Variants in CORO2A observed in about 807,000 individuals in gnomAD.
CORO2A encodes coronin-2A.
Under a neutral mutation model 62.4 loss-of-function variants are expected in CORO2A, and 47 were observed. The ratio of observed to expected loss-of-function variants is 0.75; its 90% CI spans 0.60 to 0.96. The LOEUF (loss-of-function observed/expected upper bound fraction) is 0.96, where lower values mean the gene tolerates loss of function less well. Ranked by LOEUF, CORO2A falls within the 40% of genes least tolerant of loss-of-function variation. The pLI is 0.00. For synonymous variants in CORO2A, 273 were observed against 268.9 expected, an observed-to-expected ratio of 1.02 and a Z score of -0.15; for missense variants, 610 against 684.1, an observed-to-expected ratio of 0.89 and a Z score of 1.21.
At chr9:98,136,321 A>G (rs1287603886) in intron 3 of CORO2A, among the ~76,000 whole-genome samples, 6 of 152,246 alleles carry the variant, frequency 3.9e-5, no homozygotes. Context: ...ACCTCGGCAG[A>G]CACTGTCCTT....
intron 1 of CORO2A, among the ~76,000 whole-genome samples, chr9:98,163,597 G>T (rs1344066460): frequency 1.3e-5 from 2 of 152,292 alleles, no homozygotes; most frequent in African/African-American, 4.8e-5. Context: ...CAAGGGAAGT[G>T]ACTAGACTGA....
intron 2 of CORO2A, among the ~76,000 whole-genome samples, chr9:98,155,480 G>C (rs1221807349): frequency 6.6e-6 from 1 of 151,366 alleles, no homozygotes; most frequent in African/African-American, 2.4e-5. Context: ...CCGAGTAGCT[G>C]GGATTACAGG....
chr9:98,144,766 AG>A, intron 2 of CORO2A, among the ~76,000 whole-genome samples: 1 of 152,066 alleles, frequency 6.6e-6, no homozygotes, highest in South Asian at 2.1e-4. Context: ...AAGTGGGAGG[AG>A]GCTGAAGCAG....
Position 98,134,941 on chromosome 9 carries a change from G to A in CORO2A, c.333C>T (p.Ser111=). ...TCCTGGTCAGCAGCTGCTTGGGGATGCTCCAGATCTTAATCTGGCAGGGGA... is the reference window on the plus strand; with the variant it reads ...TCCTGGTCAGCAGCTGCTTGGGGATACTCCAGATCTTAATCTGGCAGGGGA... ...CSEDATIKIW[S]IPKQLLTRNL... Residue 111 remains serine, a synonymous_variant, in exon 4 of 12, where the codon AGC becomes AGT. Coordinates refer to ENST00000375077, the MANE Select transcript of CORO2A (RefSeq NM_052820.4). 1 of 1,614,084 alleles carries A rather than the reference G, an allele frequency of 6.2e-7. No individual in the cohort carries two copies. The highest frequency in any genetic ancestry group is 1.1e-5 in the South Asian group (1 of 91,074).
intron 1 of CORO2A, among the ~76,000 whole-genome samples, chr9:98,164,554 A>T (rs1827933299): frequency 6.6e-6 from 1 of 152,176 alleles, no homozygotes; most frequent in South Asian, 2.1e-4. Context: ...ACCAGGCAGG[A>T]AGAAAAAAAT....
intron 4 of CORO2A, among the ~76,000 whole-genome samples, chr9:98,133,891 C>T (rs1827446656): frequency 6.6e-6 from 1 of 151,694 alleles, no homozygotes; most frequent in South Asian, 2.1e-4. Flanking sequence ...GTAGCTGGGA[C>T]TACTTGACGC....
chr9:98,139,354 A>G lies in CORO2A; in HGVS notation c.202-1666T>C, dbSNP rs369203187. On this transcript the variant is annotated intron_variant, in intron 2 of 11. Transcript: ENST00000375077. The stretch of plus-strand genomic sequence containing the variant: ...AAAAAATCAAAAAATTAGGCCTGGC[A>G]TGGTGGCTCACGGCTGTAATCCCAG... Among the ~76,000 whole-genome samples, 13 of 152,020 alleles carry G rather than the reference A, an allele frequency of 8.6e-5. No individual in the cohort carries two copies. The East Asian group carries it at 1.2e-3, about 14-fold the overall frequency.
At chr9:98,130,811 A>G in intron 7 of CORO2A, 144 bp downstream of exon 7, 1 of 640,134 alleles carries the variant, frequency 1.6e-6, no homozygotes. Context: ...GGGAGCCAGG[A>G]GGGTGGGAGG....
intron 1 of CORO2A, among the ~76,000 whole-genome samples, chr9:98,168,983 C>A (rs886434497): frequency 6.6e-6 from 1 of 152,212 alleles, no homozygotes; most frequent in Non-Finnish European, 1.5e-5. Flanking sequence ...GAAGGCCCCA[C>A]CCTGCCCTAG....
At chr9:98,152,414 T>A (rs980270932) in intron 2 of CORO2A, among the ~76,000 whole-genome samples, 4 of 151,890 alleles carry the variant, frequency 2.6e-5, no homozygotes, top group African/African-American at 9.7e-5. Context: ...CTCAGCCTTC[T>A]GAGTAGCTGG....
chr9:98,143,416 G>A (rs1483473028), intron 2 of CORO2A, among the ~76,000 whole-genome samples: 1 of 152,204 alleles, frequency 6.6e-6, no homozygotes, highest in Non-Finnish European at 1.5e-5. Flanking sequence ...TGGAGACTGG[G>A]AGGCAGGGGT....
At chr9:98,154,345 A>G (rs1218513264) in intron 2 of CORO2A, among the ~76,000 whole-genome samples, 1 of 124,300 alleles carries the variant, frequency 8.0e-6, no homozygotes, top group African/African-American at 3.2e-5. Flanking sequence ...ATATATATAT[A>G]TATATATACA....
chr9:98,186,771 A>C (rs1828243839), intron 1 of CORO2A, among the ~76,000 whole-genome samples: 1 of 152,130 alleles, frequency 6.6e-6, no homozygotes, highest in African/African-American at 2.4e-5. Context: ...GGTGGTAAGA[A>C]GTGCTAATAA....
In CORO2A at chr9:98,144,667, A is replaced by C. The variant is rs1304172988; in HGVS notation, c.202-6979T>G. The stretch of plus-strand genomic sequence containing the variant: ...GGCTCCCTGGAGGAGGAGGACTTTA[A>C]ATTGGGCCTTAAAGAGAGGGAGACT... On this transcript the variant is annotated intron_variant, in intron 2 of 11. Transcript: ENST00000375077. Among the ~76,000 whole-genome samples the C allele has an allele frequency of 3.3e-5, 5 of 152,152 alleles. No homozygotes were observed. In the East Asian group the frequency reaches 9.6e-4, roughly 29 times the overall value.
chr9:98,125,640 T>C (rs1827305000), intron 11 of CORO2A, among the ~76,000 whole-genome samples: 1 of 151,852 alleles, frequency 6.6e-6, no homozygotes, highest in South Asian at 2.1e-4. Flanking sequence ...AGTCCTATAA[T>C]GTCAGAACTG....
At chr9:98,171,012 C>T (rs1372226568) in intron 1 of CORO2A, among the ~76,000 whole-genome samples, 1 of 152,164 alleles carries the variant, frequency 6.6e-6, no homozygotes, top group Non-Finnish European at 1.5e-5. Flanking sequence ...TGTTTAATCC[C>T]CCAAATCAAG....
At chr9:98,153,729 C>G (rs992830141) in intron 2 of CORO2A, among the ~76,000 whole-genome samples, 6 of 150,372 alleles carry the variant, frequency 4.0e-5, no homozygotes, top group African/African-American at 1.5e-4. Context: ...ATGTTAAAAC[C>G]GGTAAACCAG....
intron 2 of CORO2A, 143 bp from the exon 3 acceptor site, chr9:98,137,831 C>T (rs1230907607): frequency 1.1e-5 from 7 of 637,726 alleles, no homozygotes; most frequent in East Asian, 5.4e-5. Flanking sequence ...CTTCTTATTC[C>T]CTGTGGGATC....
Position 98,128,181 on chromosome 9 carries a change from C to A in CORO2A, c.1160G>T (p.Gly387Val). 1 of 1,613,022 alleles carries A rather than the reference C, an allele frequency of 6.2e-7. No individual in the cohort carries two copies. ...PSLTAQEWLS[G>V]MNRDPILVSL... ...TCTGCCTTCCTCACCTCGATTCATCCCGCTGAGCCACTCCTGGGCCGTCAG... is the reference window on the plus strand; with the variant it reads ...TCTGCCTTCCTCACCTCGATTCATCACGCTGAGCCACTCCTGGGCCGTCAG... The change falls in exon 10 of 12, where the codon GGG (glycine) becomes GTG (valine). Residue 387 changes from glycine (G) to valine (V), a missense_variant. By Grantham distance (109) the Gly-to-Val change is moderately radical (BLOSUM62 -3). Transcript: ENST00000375077.
Sources: gnomAD v4.1 joint callset for allele counts (sites outside exome capture counted in the v4.1 genomes callset) on GRCh38, gnomAD v4.1.1 for gene constraint, MANE v1.5 for transcripts, NCBI Gene and HGNC (gene_info 2026-07-23, HGNC 2026-07-21) for gene names.